Variants in RASA2 observed in about 807,000 individuals in gnomAD.
RASA2 encodes RAS p21 protein activator 2, also known as ras GTPase-activating protein 2.
RASA2 carries 155 observed loss-of-function variants against 118.2 expected under a neutral mutation model. That is an observed-to-expected ratio of 1.31 (90% CI 1.15 to 1.50). The LOEUF is 1.50. Among genes scored for constraint, RASA2 ranks in the 40% most tolerant of loss-of-function variants. The pLI is 0.00. For missense variants in RASA2, 1,016 were observed against 1,009.6 expected (o/e 1.01, Z -0.09); for synonymous variants, 353 against 349.1 (o/e 1.01, Z -0.12).
chr3:141,539,789 G>A (rs1400856653), intron 4 of RASA2, among the ~76,000 whole-genome samples: 1 of 152,148 alleles, frequency 6.6e-6, no homozygotes, highest in African/African-American at 2.4e-5. Flanking sequence ...TATTTCTTGA[G>A]AAGTTGATTG....
intron 3 of RASA2, among the ~76,000 whole-genome samples, chr3:141,519,096 A>T (rs1011552309): frequency 6.6e-6 from 1 of 152,220 alleles, no homozygotes; most frequent in African/African-American, 2.4e-5. Flanking sequence ...CCTAGAAGTG[A>T]AAATACTGAG....
At chr3:141,600,888 CTAATT>C (rs1416098380) in intron 19 of RASA2, among the ~76,000 whole-genome samples, 1 of 152,038 alleles carries the variant, frequency 6.6e-6, no homozygotes, top group Non-Finnish European at 1.5e-5. Flanking sequence ...AAGTTGAGAG[CTAATT>C]TAAAGACTTA....
At chr3:141,526,824 T>G (rs919016499) in intron 3 of RASA2, among the ~76,000 whole-genome samples, 2 of 152,216 alleles carry the variant, frequency 1.3e-5, no homozygotes, top group Non-Finnish European at 2.9e-5. Context: ...GGTTTCCCTC[T>G]CATAGGACAA....
intron 15 of RASA2, among the ~76,000 whole-genome samples, chr3:141,578,366 A>G (rs1240561889): frequency 3.3e-5 from 5 of 152,242 alleles, no homozygotes. Flanking sequence ...CATGCTCAGT[A>G]CTGGAGATGC....
chr3:141,545,447 G>A (rs954737609), intron 5 of RASA2, among the ~76,000 whole-genome samples: 8 of 151,316 alleles, frequency 5.3e-5, no homozygotes, highest in Non-Finnish European at 1.2e-4. Context: ...GAGAGAGTGG[G>A]GAGGTACTAC....
chr3:141,488,291 A>C (rs1295549648), intron 1 of RASA2, among the ~76,000 whole-genome samples: 1 of 152,166 alleles, frequency 6.6e-6, no homozygotes, highest in Non-Finnish European at 1.5e-5. Flanking sequence ...CAGTATTCTC[A>C]GATTGGAAAC....
chr3:141,597,150 C>G (rs549810319), intron 19 of RASA2, among the ~76,000 whole-genome samples: 7 of 152,204 alleles, frequency 4.6e-5, no homozygotes, highest in African/African-American at 1.7e-4. Context: ...TCTGAAATCC[C>G]AGCACTTTGG....
intron 19 of RASA2, 64 bp downstream of exon 19, chr3:141,586,816 T>C: frequency 7.9e-7 from 1 of 1,270,906 alleles, no homozygotes; most frequent in Non-Finnish European, 1.1e-6. Context: ...TCTTTGCCGC[T>C]TATTGTGACT....
intron 14 of RASA2, among the ~76,000 whole-genome samples, chr3:141,576,073 G>A (rs1484385828): frequency 1.3e-5 from 2 of 152,114 alleles, no homozygotes; most frequent in African/African-American, 4.8e-5. Context: ...CACCGCGCCC[G>A]GCCAACACTT....
intron 15 of RASA2, 64 bp downstream of exon 15, chr3:141,577,170 G>C (rs976839811): frequency 7.6e-7 from 1 of 1,309,912 alleles, no homozygotes; most frequent in Non-Finnish European, 1.1e-6. Context: ...ATGAAGAAAA[G>C]ATAAAATAAA....
chr3:141,593,962 A>T (rs1301080840), intron 19 of RASA2, among the ~76,000 whole-genome samples: 3 of 152,198 alleles, frequency 2.0e-5, no homozygotes, highest in Non-Finnish European at 4.4e-5. Flanking sequence ...AGAAAAGGCG[A>T]TCAGTAGAAG....
chr3:141,600,374 G>A, intron 19 of RASA2: 1 of 497,176 alleles, frequency 2.0e-6, no homozygotes, highest in Non-Finnish European at 4.1e-6. Context: ...CTTGTCGGAG[G>A]TGTCAGTCTT....
intron 5 of RASA2, among the ~76,000 whole-genome samples, chr3:141,550,859 A>C (rs1250486183): frequency 6.6e-6 from 1 of 152,212 alleles, no homozygotes; most frequent in Non-Finnish European, 1.5e-5. Flanking sequence ...TCTGTCTCAA[A>C]AACTGAAGTA....
At chr3:141,599,594 GACA>G (rs1187332341) in intron 19 of RASA2, among the ~76,000 whole-genome samples, 2 of 152,150 alleles carry the variant, frequency 1.3e-5, no homozygotes, top group East Asian at 3.8e-4. Flanking sequence ...GAACTACAAA[GACA>G]GGAGGTATAA....
chr3:141,523,981 T>C (rs1317894363), intron 3 of RASA2, among the ~76,000 whole-genome samples: 3 of 152,260 alleles, frequency 2.0e-5, no homozygotes, highest in Admixed American at 2.0e-4. Flanking sequence ...AAATTTACTG[T>C]GTATAAATTG....
At chr3:141,584,818 A>G (rs888728250) in intron 17 of RASA2, among the ~76,000 whole-genome samples, 2 of 152,210 alleles carry the variant, frequency 1.3e-5, no homozygotes, top group South Asian at 4.1e-4. Flanking sequence ...GGTTGAGACC[A>G]GAAGTGTTTT....
At chr3:141,570,293 C>T (rs2082897547) in intron 9 of RASA2, among the ~76,000 whole-genome samples, 1 of 151,932 alleles carries the variant, frequency 6.6e-6, no homozygotes. Context: ...GGGATCTCAG[C>T]TCACTGCAAC....
intron 4 of RASA2, among the ~76,000 whole-genome samples, chr3:141,535,325 C>A (rs905602905): frequency 6.6e-6 from 1 of 151,882 alleles, no homozygotes. Context: ...TGGTCTGGAC[C>A]CTTAGACAGT....
chr3:141,569,505 A>G (rs2082879584), intron 9 of RASA2, among the ~76,000 whole-genome samples: 1 of 152,228 alleles, frequency 6.6e-6, no homozygotes, highest in South Asian at 2.1e-4. Flanking sequence ...ATAGGTATTT[A>G]CACTAACAAC....
Sources: gnomAD v4.1 joint callset for allele counts (sites outside exome capture counted in the v4.1 genomes callset) on GRCh38, gnomAD v4.1.1 for gene constraint, MANE v1.5 for transcripts, NCBI Gene and HGNC (gene_info 2026-07-23, HGNC 2026-07-21) for gene names.